Variants in DNAJC13 observed in about 807,000 individuals in gnomAD.
DNAJC13 encodes DnaJ heat shock protein family (Hsp40) member C13.
In DNAJC13, 75 loss-of-function variants were observed where a neutral mutation model predicts 290.5. That is an observed-to-expected ratio of 0.26 (90% CI 0.21 to 0.31). The LOEUF (loss-of-function observed/expected upper bound fraction) is 0.31, where lower values mean the gene tolerates loss of function less well. Ranked by LOEUF, DNAJC13 falls within the 10% of genes least tolerant of loss-of-function variation. DNAJC13 has a pLI of 1.00. For missense variants in DNAJC13, 2,260 were observed against 2,674.5 expected (o/e 0.85, Z 3.42); for synonymous variants, 862 against 892.0 (o/e 0.97, Z 0.60).
chr3:132,466,178 A>G lies in DNAJC13; in HGVS notation c.1968+108A>G, dbSNP rs139820837. On this transcript the variant is annotated intron_variant, in intron 18 of 55. Coordinates refer to ENST00000260818, the MANE Select transcript of DNAJC13 (RefSeq NM_015268.4). ...TTTGTTTTTTATTGAAAAGTTATTTATCATAGGAGTTACCGTAAAGTTTTA... is the reference window on the plus strand; with the variant it reads ...TTTGTTTTTTATTGAAAAGTTATTTGTCATAGGAGTTACCGTAAAGTTTTA... The G allele has an allele frequency of 6.7e-5, 93 of 1,383,894 alleles. No homozygotes were observed. In the African/African-American group the frequency reaches 1.2e-3, roughly 18 times the overall value. The allele number at this position is 1,383,894 out of a possible 1,614,324, so 85.7% of individuals were successfully genotyped here.
chr3:132,467,438 T>C, intron 20 of DNAJC13, 125 bp downstream of exon 20: 1 of 847,410 alleles, frequency 1.2e-6, no homozygotes, highest in Non-Finnish European at 1.8e-6. Context: ...TAAAAATGAA[T>C]GGTACCTAAT....
At chr3:132,421,141 CAT>C (rs1311319133) in intron 1 of DNAJC13, among the ~76,000 whole-genome samples, 2 of 152,152 alleles carry the variant, frequency 1.3e-5, no homozygotes, top group East Asian at 1.9e-4. Flanking sequence ...AAATTAGTAA[CAT>C]ATATGTGAAT....
intron 31 of DNAJC13, 86 bp downstream of exon 31, chr3:132,489,107 C>A: frequency 9.3e-7 from 1 of 1,074,738 alleles, no homozygotes; most frequent in African/African-American, 1.6e-5. Flanking sequence ...ATTATGTTTA[C>A]TAGATTATAA....
chr3:132,478,580 G>A (rs758081689), intron 24 of DNAJC13, among the ~76,000 whole-genome samples: 31 of 152,140 alleles, frequency 2.0e-4, no homozygotes, highest in African/African-American at 5.8e-4. Context: ...CCTTGAGTTA[G>A]CACTCTACAA....
chr3:132,523,263 A>G (rs1400338087), intron 50 of DNAJC13, 64 bp downstream of exon 50: 3 of 1,568,428 alleles, frequency 1.9e-6, no homozygotes, highest in Admixed American at 3.3e-5. Context: ...CTTTCTACTG[A>G]GTCAGTTTAA....
intron 41 of DNAJC13, 122 bp downstream of exon 41, chr3:132,503,503 C>A: frequency 2.5e-6 from 3 of 1,185,240 alleles, no homozygotes; most frequent in Non-Finnish European, 2.4e-6. Context: ...TGTTTGTTCT[C>A]TCAAGCAAGA....
In DNAJC13 at chr3:132,502,453, A is replaced by G. The variant is rs569239336; in HGVS notation, c.4701A>G (p.Glu1567=). 8 of 1,608,908 alleles carry G rather than the reference A, an allele frequency of 5.0e-6. No homozygotes were observed. The highest frequency in any genetic ancestry group is 4.5e-5 in the East Asian group (2 of 44,784). ...AAGAGAGTGGCATTCAGAAAAGTGA[A>G]GAAACAAACCAGCAGGTAACTTTAA... ...TLEESGIQKS[E]ETNQQEVANS... is the part of the protein sequence containing the mutation. The change falls in exon 40 of 56, where the codon GAA becomes GAG. Residue 1567 remains glutamate (E), a synonymous_variant. Transcript: ENST00000260818.
At chr3:132,458,865 CTT>C (rs1455315703) in intron 13 of DNAJC13, among the ~76,000 whole-genome samples, 1 of 152,118 alleles carries the variant, frequency 6.6e-6, no homozygotes, top group Non-Finnish European at 1.5e-5. Context: ...AAATATTACA[CTT>C]GTCTTTCTTA....
chr3:132,429,849 C>T (rs1259677679), intron 1 of DNAJC13, among the ~76,000 whole-genome samples: 2 of 152,236 alleles, frequency 1.3e-5, no homozygotes, highest in East Asian at 3.9e-4. Context: ...GAGCAATTTT[C>T]TTCCATAAAA....
Position 132,505,298 on chromosome 3 carries a change from C to G in DNAJC13, c.4885-4C>G. 2 of 1,562,478 alleles carry G rather than the reference C, an allele frequency of 1.3e-6. No individual in the cohort carries two copies. Among genetic ancestry groups the G allele is most frequent in the African/African-American group, 2.7e-5 (2 of 73,386 alleles). Reference sequence around the variant, plus strand: ...TGTTATAAAACGGTAATATTGTCTCCTAGATTTTGAAGATGCTTAACAGCA... The same window carrying G: ...TGTTATAAAACGGTAATATTGTCTCGTAGATTTTGAAGATGCTTAACAGCA... On this transcript the variant is annotated splice_polypyrimidine_tract_variant and splice_region_variant and intron_variant, in intron 41 of 55. Coordinates refer to ENST00000260818, the MANE Select transcript of DNAJC13 (RefSeq NM_015268.4).
In DNAJC13 at chr3:132,453,735, A is replaced by G. The variant is rs190110375; in HGVS notation, c.840+41A>G. The G allele has an allele frequency of 1.7e-3, 2,558 of 1,496,652 alleles. 2 individuals are homozygous for G. Among genetic ancestry groups the G allele is most frequent in the Non-Finnish European group, 2.1e-3 (2,261 of 1,092,726 alleles). 92.7% of individuals were successfully genotyped at this position (1,496,652 alleles called of 1,614,324 possible). The stretch of plus-strand genomic sequence containing the variant: ...GTTAGCTTAAATGAGATTTCTTTCT[A>G]TTGATAAATTAGGATAATTTTCTTT... On this transcript the variant is annotated intron_variant, in intron 8 of 55. Coordinates refer to ENST00000260818, the MANE Select transcript of DNAJC13 (RefSeq NM_015268.4).
chr3:132,462,903 A>G (rs1426760050), intron 16 of DNAJC13, among the ~76,000 whole-genome samples: 1 of 152,238 alleles, frequency 6.6e-6, no homozygotes, highest in East Asian at 1.9e-4. Flanking sequence ...AATGATACCA[A>G]GTAAGAAAGG....
rs757859913 is a variant in DNAJC13 at position 132,484,691 on chromosome 3, CTAGGAGCAATTTTAAGAATCATTT to C, written c.3267+21_3267+44del. On this transcript the variant is annotated intron_variant, in intron 29 of 55. Transcript: ENST00000260818. The stretch of plus-strand genomic sequence containing the variant: ...TATTCAGGTGAGTTATGTAATCAAA[CTAGGAGCAATTTTAAGAATCATTT>C]TCTCTGAATTTTATTATCAGTACCA... 3 of 1,580,964 alleles carry C rather than the reference CTAGGAGCAATTTTAAGAATCATTT, an allele frequency of 1.9e-6. No homozygotes were observed. In the East Asian group the frequency reaches 6.7e-5, roughly 35 times the overall value.
chr3:132,463,670 G>A, intron 16 of DNAJC13, 26 bp from the exon 17 acceptor site: 1 of 1,604,230 alleles, frequency 6.2e-7, no homozygotes, highest in Middle Eastern at 1.7e-4. Flanking sequence ...TGCCACCTTA[G>A]GGATCATCTT....
intron 48 of DNAJC13, among the ~76,000 whole-genome samples, chr3:132,520,465 G>A (rs1477332578): frequency 6.6e-6 from 1 of 152,114 alleles, no homozygotes; most frequent in Non-Finnish European, 1.5e-5. Context: ...GTAGTTCTTA[G>A]CATTTGAAAT....
chr3:132,441,832 T>C (rs999200198), intron 2 of DNAJC13, among the ~76,000 whole-genome samples: 19 of 152,184 alleles, frequency 1.2e-4, no homozygotes, highest in African/African-American at 4.3e-4. Context: ...ATCTTAGCTC[T>C]TATTACTTTG....
In DNAJC13 at chr3:132,495,288, TTAATA is replaced by T. The variant is rs1935201415; in HGVS notation, c.4020+123_4020+127del. ...CTCATAATATATACTCAGTGTATGT[TTAATA>T]AACTTCTGGCCACATGCCCATAGTT... On this transcript the variant is annotated intron_variant, in intron 35 of 55. Transcript: ENST00000260818. 3 of 691,134 alleles carry T rather than the reference TTAATA, an allele frequency of 4.3e-6. No homozygotes were observed. The East Asian group carries it at 8.7e-5, about 20-fold the overall frequency. The allele number at this position is 691,134 out of a possible 1,614,324, so 42.8% of individuals were successfully genotyped here. A position where few individuals can be genotyped will look rare whatever the true frequency, so the allele number is the denominator to read the frequency against.
chr3:132,452,434 C>G (rs1933446129), intron 6 of DNAJC13, among the ~76,000 whole-genome samples: 1 of 152,164 alleles, frequency 6.6e-6, no homozygotes, highest in Non-Finnish European at 1.5e-5. Flanking sequence ...ACGATGTGAT[C>G]CAGTGTTTCT....
rs115677779 is a variant in DNAJC13 at position 132,504,933 on chromosome 3, A to T, written c.4885-369A>T. 3.6e-3 allele frequency among the ~76,000 whole-genome samples: 552 copies of T among 152,326 alleles called. 5 individuals are homozygous for T. The highest frequency in any genetic ancestry group is 5.0e-3 in the Non-Finnish European group (337 of 68,018). On this transcript the variant is annotated intron_variant, in intron 41 of 55. Transcript: ENST00000260818. ...TCAAATACATGTACATAAAGGTATTATGTTGTGATTCTTTTCAAGCTTATA... is the reference window on the plus strand; with the variant it reads ...TCAAATACATGTACATAAAGGTATTTTGTTGTGATTCTTTTCAAGCTTATA...
Sources: allele counts gnomAD v4.1 joint callset (sites outside exome capture counted in the v4.1 genomes callset), GRCh38; gene constraint gnomAD v4.1.1; transcripts MANE v1.5; gene names NCBI Gene and HGNC (gene_info 2026-07-23, HGNC 2026-07-21).